The following RAD51B variants were observed in gnomAD, a reference collection of about 807,000 sequenced individuals.
The protein encoded by RAD51B is DNA repair protein RAD51 homolog 2.
RAD51B carries 38 observed loss-of-function variants against 42.2 expected under a neutral mutation model. The observed-to-expected ratio is 0.90, with a 90% CI of 0.70 to 1.18. The LOEUF is 1.18. Among genes scored for constraint, RAD51B ranks in the 50% most tolerant of loss-of-function variants. The probability of loss-of-function intolerance (pLI) is 0.00; values close to 1 mark genes in which losing one functional copy is unlikely to be tolerated. For missense variants in RAD51B, 373 were observed against 400.7 expected (o/e 0.93, Z 0.59); for synonymous variants, 154 against 145.2 (o/e 1.06, Z -0.43).
chr14:67,992,061 A>G (rs1371599252), intron 7 of RAD51B, among the ~76,000 whole-genome samples: 2 of 152,200 alleles, frequency 1.3e-5, no homozygotes, highest in African/African-American at 4.8e-5. Context: ...AATGTCTAGA[A>G]CATTAATAGA....
intron 7 of RAD51B, among the ~76,000 whole-genome samples, chr14:68,276,028 C>T (rs2081217618): frequency 6.6e-6 from 1 of 152,096 alleles, no homozygotes; most frequent in Non-Finnish European, 1.5e-5. Context: ...CCAGTGTCTC[C>T]CAGCTGGGAG....
chr14:67,872,516 A>G (rs1157423212), intron 5 of RAD51B, among the ~76,000 whole-genome samples: 11 of 146,404 alleles, frequency 7.5e-5, no homozygotes, highest in Non-Finnish European at 1.7e-4. Flanking sequence ...ATACTGCCCA[A>G]GGTAATTTAC....
At chr14:67,857,457 C>T (rs1395773546) in intron 4 of RAD51B, among the ~76,000 whole-genome samples, 1 of 152,104 alleles carries the variant, frequency 6.6e-6, no homozygotes, top group African/African-American at 2.4e-5. Context: ...TTTAACTTTT[C>T]AGCTATTTTT....
intron 8 of RAD51B, among the ~76,000 whole-genome samples, chr14:68,345,014 T>C (rs1263320329): frequency 6.6e-6 from 1 of 151,574 alleles, no homozygotes; most frequent in African/African-American, 2.4e-5. Context: ...GCATGGGAAC[T>C]GTAGCCCCTT....
chr14:67,846,303 G>T (rs927045507), intron 4 of RAD51B, among the ~76,000 whole-genome samples: 7 of 152,188 alleles, frequency 4.6e-5, no homozygotes, highest in Admixed American at 1.3e-4. Flanking sequence ...GTGGCAGTGT[G>T]GGGGGTGGCG....
rs1317458399 is a variant in RAD51B at position 68,486,286 on chromosome 14, T to A, written c.1036+18036T>A. Among the ~76,000 whole-genome samples the A allele has an allele frequency of 2.6e-5, 4 of 152,336 alleles. No individual in the cohort carries two copies. In the East Asian group the frequency reaches 7.7e-4, roughly 29 times the overall value. On this transcript the variant is annotated intron_variant, in intron 10 of 10. Transcript: ENST00000487270. The stretch of plus-strand genomic sequence containing the variant: ...CCTATGATAGTTTTTCCAAACCTGC[T>A]ACTGTGGGGTTCTAGTCAGTTCCTC...
At chr14:68,096,366 C>G (rs926885774) in intron 7 of RAD51B, among the ~76,000 whole-genome samples, 17 of 152,268 alleles carry the variant, frequency 1.1e-4, no homozygotes, top group Middle Eastern at 3.4e-3. Flanking sequence ...GTGTGAATGA[C>G]TTATTCTCCA....
At chr14:67,899,425 C>G (rs550887506) in intron 7 of RAD51B, among the ~76,000 whole-genome samples, 1 of 152,212 alleles carries the variant, frequency 6.6e-6, no homozygotes, top group African/African-American at 2.4e-5. Context: ...TAGATTATAG[C>G]TTTTTTAACC....
In RAD51B at chr14:67,880,012, T is replaced by C. The variant is rs529541241; in HGVS notation, c.453-5857T>C. On this transcript the variant is annotated intron_variant, in intron 5 of 10. Coordinates refer to ENST00000471583, the MANE Select transcript of RAD51B (RefSeq NM_133510.4). ...CTCTTAATGGATATTTACCTATGCATGATTTTGTAATATTATGCATTTATC... is the reference window on the plus strand; with the variant it reads ...CTCTTAATGGATATTTACCTATGCACGATTTTGTAATATTATGCATTTATC... 7.7e-4 allele frequency among the ~76,000 whole-genome samples: 117 copies of C among 152,332 alleles called. 1 individual carries two copies. The highest frequency in any genetic ancestry group is 2.6e-3 in the African/African-American group (107 of 41,580).
intron 7 of RAD51B, among the ~76,000 whole-genome samples, chr14:68,118,143 C>G (rs1054106733): frequency 1.3e-5 from 2 of 152,116 alleles, no homozygotes; most frequent in African/African-American, 4.8e-5. Flanking sequence ...ATTAAAAAAT[C>G]TATATCAGAA....
intron 8 of RAD51B, among the ~76,000 whole-genome samples, chr14:68,365,810 T>C (rs979128477): frequency 4.6e-5 from 7 of 152,236 alleles, no homozygotes; most frequent in African/African-American, 1.7e-4. Context: ...TTTACAAATT[T>C]TGTTATGTCT....
chr14:68,549,966 A>C (rs370575123), intron 10 of RAD51B, among the ~76,000 whole-genome samples: 1 of 152,160 alleles, frequency 6.6e-6, no homozygotes, highest in African/African-American at 2.4e-5. Flanking sequence ...CATCTGTTTT[A>C]GTGGTGGTGG....
At chr14:67,929,814 T>G (rs1050118652) in intron 7 of RAD51B, among the ~76,000 whole-genome samples, 19 of 151,452 alleles carry the variant, frequency 1.3e-4, no homozygotes, top group African/African-American at 4.1e-4. Context: ...TTTTTTTTTG[T>G]GTTTTTTTGT....
chr14:67,915,974 C>A (rs2044137716), intron 7 of RAD51B, among the ~76,000 whole-genome samples: 1 of 152,150 alleles, frequency 6.6e-6, no homozygotes, highest in African/African-American at 2.4e-5. Context: ...TAAAGTACAT[C>A]TTTGGAAGAA....
chr14:68,324,302 C>T (rs2082209631), intron 8 of RAD51B, among the ~76,000 whole-genome samples: 1 of 152,228 alleles, frequency 6.6e-6, no homozygotes, highest in Admixed American at 6.5e-5. Flanking sequence ...AGGGATGACA[C>T]TTGATGAGCC....
intron 7 of RAD51B, among the ~76,000 whole-genome samples, chr14:67,963,251 T>G (rs1005904066): frequency 6.6e-6 from 1 of 152,128 alleles, no homozygotes; most frequent in South Asian, 2.1e-4. Flanking sequence ...TATTTTTAAC[T>G]GTGACTATAA....
At chr14:68,604,294 T>TC (rs11392454) in intron 10 of RAD51B, among the ~76,000 whole-genome samples, 95,734 of 151,992 alleles carry the variant, frequency 0.63, 30,230 homozygotes, top group Middle Eastern at 0.75. Context: ...GAAGTCCCCT[T>TC]CCTTCTGGAA....
chr14:68,337,437 T>C (rs2139823255), intron 8 of RAD51B, among the ~76,000 whole-genome samples: 1 of 152,378 alleles, frequency 6.6e-6, no homozygotes, highest in African/African-American at 2.4e-5. Flanking sequence ...GATGCTAAAA[T>C]TAGCCATTGT....
At chr14:68,211,566 A>G (rs1485007947) in intron 7 of RAD51B, among the ~76,000 whole-genome samples, 1 of 152,244 alleles carries the variant, frequency 6.6e-6, no homozygotes, top group African/African-American at 2.4e-5. Flanking sequence ...GAATTATATT[A>G]TAGATTGTAG....
Sources: allele counts gnomAD v4.1 joint callset (sites outside exome capture counted in the v4.1 genomes callset), GRCh38; gene constraint gnomAD v4.1.1; transcripts MANE v1.5; gene names NCBI Gene and HGNC (gene_info 2026-07-23, HGNC 2026-07-21).